The following PLPPR2 variants were observed in gnomAD, a reference collection of about 807,000 sequenced individuals.
PLPPR2 encodes phospholipid phosphatase related 2.
In PLPPR2, 11 loss-of-function variants were observed where a neutral mutation model predicts 40.3. The observed-to-expected ratio is 0.27, with a 90% CI of 0.17 to 0.45. PLPPR2 has a LOEUF of 0.45. Among genes scored for constraint, PLPPR2 ranks in the 20% least tolerant of loss-of-function variants. PLPPR2 has a pLI of 1.00. For missense variants in PLPPR2, 497 were observed against 640.7 expected (o/e 0.78, Z 2.42); for synonymous variants, 260 against 290.8 (o/e 0.89, Z 1.08).
Position 11,362,489 on chromosome 19 carries a change from CCT to C in PLPPR2, c.664-23_664-22del, listed in dbSNP as rs1452203248. On this transcript the variant is annotated intron_variant, in intron 6 of 9. Transcript: ENST00000688289. The surrounding 1 kb of genome is among the most constrained non-coding windows in gnomAD (Gnocchi z 5.3). ...TTCGGCGACTTGCCTCCGCTATCCCCCTGACCAGTCCGGCTCCCCGCAGATGT... is the reference window on the plus strand; with the variant it reads ...TTCGGCGACTTGCCTCCGCTATCCCCGACCAGTCCGGCTCCCCGCAGATGT... The C allele has an allele frequency of 1.9e-6, 3 of 1,607,150 alleles. No individual in the cohort carries two copies. Among genetic ancestry groups the C allele is most frequent in the Non-Finnish European group, 2.5e-6 (3 of 1,179,930 alleles).
Position 11,364,098 on chromosome 19 carries a change from T to C in PLPPR2, c.964-63T>C. 6.4e-7 allele frequency: 1 copy of C among 1,551,582 alleles called. No individual in the cohort carries two copies. The highest frequency in any genetic ancestry group is 8.7e-7 in the Non-Finnish European group (1 of 1,145,304). ...GGGGCTCTTCACCTGATGAGCTCCT[T>C]GTGGCTGTGGCCGGTAGGGCCCAGG... On this transcript the variant is annotated intron_variant, in intron 8 of 9. Transcript: ENST00000688289. The surrounding 1 kb of genome is among the most constrained non-coding windows in gnomAD (Gnocchi z 5.8).
In PLPPR2 at chr19:11,362,395, C is replaced by A. The variant is rs1968072672; in HGVS notation, c.664-118C>A. 1 of 1,295,444 alleles carries A rather than the reference C, an allele frequency of 7.7e-7. No homozygotes were observed. Among genetic ancestry groups the A allele is most frequent in the South Asian group, 1.3e-5 (1 of 77,234 alleles). 80.2% of individuals were successfully genotyped at this position (1,295,444 alleles called of 1,614,324 possible). On this transcript the variant is annotated intron_variant, in intron 6 of 9. Coordinates refer to ENST00000688289, the MANE Select transcript of PLPPR2 (RefSeq NM_001393892.1). The surrounding 1 kb of genome is among the most constrained non-coding windows in gnomAD (Gnocchi z 5.3). ...AGCCCATGACTCCAACCCTGGAGCC[C>A]CTGGCCACTCCCTCCAGCCCCAACG... is the stretch of plus-strand genomic sequence containing the variant.
In PLPPR2 at chr19:11,362,840, A is replaced by T. The variant is rs2144677978; in HGVS notation, c.840+151A>T. The T allele has an allele frequency of 2.1e-6, 2 of 950,630 alleles. No individual in the cohort carries two copies. Among genetic ancestry groups the T allele is most frequent in the South Asian group, 3.6e-5 (2 of 55,188 alleles). The allele number at this position is 950,630 out of a possible 1,614,324, so 58.9% of individuals were successfully genotyped here. On this transcript the variant is annotated intron_variant, in intron 7 of 9. Coordinates refer to ENST00000688289, the MANE Select transcript of PLPPR2 (RefSeq NM_001393892.1). The surrounding 1 kb of genome is among the most constrained non-coding windows in gnomAD (Gnocchi z 5.3). ...CCCTTCCTGGATATTCTCATCTGTG[A>T]AATGAGATACCAGGATCAGGGTGAG...
In PLPPR2 at chr19:11,359,533, C is replaced by T. The variant is rs746349449; in HGVS notation, c.68C>T (p.Ser23Leu). The change falls in exon 4 of 10, where the codon TCG becomes TTG. Residue 23 changes from serine to leucine, a missense_variant and splice_region_variant. Ser to Leu is a moderately radical substitution (Grantham distance 145, BLOSUM62 -2). Coordinates refer to ENST00000688289, the MANE Select transcript of PLPPR2 (RefSeq NM_001393892.1). This position sits in a 1 kb window ranked among gnomAD's most constrained non-coding sequence, Gnocchi z 5.6. ...SIIPCFVFVE[S>L]VLLGIVILLA... Reference sequence around the variant, plus strand: ...CTCCCCGCCCTGGCTTGGTGGCAGTCGGTGCTGCTGGGCATTGTGATCCTG... The same window carrying T: ...CTCCCCGCCCTGGCTTGGTGGCAGTTGGTGCTGCTGGGCATTGTGATCCTG... 28 of 1,537,214 alleles carry T rather than the reference C, an allele frequency of 1.8e-5. No individual in the cohort carries two copies. The Middle Eastern group carries it at 5.2e-4, about 29-fold the overall frequency.
rs1323484350 is a variant in PLPPR2, at chr19:11,359,672, G to A, written c.207G>A (p.Val69=). 6.2e-7 allele frequency: 1 copy of A among 1,611,178 alleles called. No individual in the cohort carries two copies. Residue 69 remains valine (V), a synonymous_variant, in exon 4 of 10, where the codon GTG becomes GTA. Coordinates refer to ENST00000688289, the MANE Select transcript of PLPPR2 (RefSeq NM_001393892.1). The surrounding 1 kb of genome is among the most constrained non-coding windows in gnomAD (Gnocchi z 5.6). ...CAGGGCCTGAGGCTGCCAGCCGAGT[G>A]CCTCCTGCTCTTGTCTACGCACTGG... The part of the protein sequence containing the change: ...PYPGPEAASR[V]PPALVYALVT...
chr19:11,364,726 ACTT>A lies in PLPPR2; in HGVS notation c.*41_*43del. ...CCCACCCAGAATCTGCCCAGTCCCC[ACTT>A]CTTCCCTGCCACGCGTGTGTGTGCG... On this transcript the variant is annotated 3_prime_UTR_variant, in exon 10 of 10. Coordinates refer to ENST00000688289, the MANE Select transcript of PLPPR2 (RefSeq NM_001393892.1). The surrounding 1 kb of genome is among the most constrained non-coding windows in gnomAD (Gnocchi z 5.8). The A allele has an allele frequency of 6.5e-7, 1 of 1,535,332 alleles. No homozygotes were observed. The highest frequency in any genetic ancestry group is 8.7e-7 in the Non-Finnish European group (1 of 1,146,122).
chr19:11,356,664 T>TTTTGTGTG (rs1555713339), intron 1 of PLPPR2, 138 bp from the exon 2 acceptor site: 1 of 145,950 alleles, frequency 6.9e-6, no homozygotes, highest in Non-Finnish European at 1.5e-5. Flanking sequence ...TATGCCATGG[T>TTTTGTGTG]TGTGTGTGTG....
Position 11,361,115 on chromosome 19 carries a change from G to T in PLPPR2, c.392-102G>T, listed in dbSNP as rs1052185268. The T allele has an allele frequency of 1.5e-5, 21 of 1,429,052 alleles. No individual in the cohort carries two copies. Among genetic ancestry groups the T allele is most frequent in the Admixed American group, 4.4e-5 (2 of 45,554 alleles). 88.5% of individuals were successfully genotyped at this position (1,429,052 alleles called of 1,614,324 possible). A position where few individuals can be genotyped will look rare whatever the true frequency, so the allele number is the denominator to read the frequency against. On this transcript the variant is annotated intron_variant, in intron 5 of 9. Coordinates refer to ENST00000688289, the MANE Select transcript of PLPPR2 (RefSeq NM_001393892.1). The surrounding 1 kb of genome is among the most constrained non-coding windows in gnomAD (Gnocchi z 6.3). ...GGCACAACTACAGGGTCCCAAGTGT[G>T]CTTTAATGACAGTCACAGGAAAAGG...
At chr19:11,360,342 C>T (rs1048026128) in intron 5 of PLPPR2, among the ~76,000 whole-genome samples, 1 of 151,660 alleles carries the variant, frequency 6.6e-6, no homozygotes, top group Admixed American at 6.6e-5. Context: ...GTGGTACATG[C>T]CTGTAGCCCC....
At chr19:11,357,629 T>C in intron 2 of PLPPR2, 31 bp from the exon 3 acceptor site, 2 of 1,549,432 alleles carry the variant, frequency 1.3e-6, no homozygotes, top group Non-Finnish European at 1.8e-6. Context: ...GCACACCCCC[T>C]GGGACTCCCA....
chr19:11,360,350 C>T (rs1055173226), intron 5 of PLPPR2, among the ~76,000 whole-genome samples: 6 of 151,540 alleles, frequency 4.0e-5, no homozygotes, highest in Non-Finnish European at 7.4e-5. Flanking sequence ...TGCCTGTAGC[C>T]CCAGCTACTT....
Position 11,364,010 on chromosome 19 carries a change from G to T in PLPPR2, c.964-151G>T. The T allele has an allele frequency of 7.5e-7, 1 of 1,331,880 alleles. No individual in the cohort carries two copies. The highest frequency in any genetic ancestry group is 2.4e-5 in the East Asian group (1 of 42,320). The allele number at this position is 1,331,880 out of a possible 1,614,324, so 82.5% of individuals were successfully genotyped here. On this transcript the variant is annotated intron_variant, in intron 8 of 9. Transcript: ENST00000688289. This position sits in a 1 kb window ranked among gnomAD's most constrained non-coding sequence, Gnocchi z 5.8. ...GGACAGCCCCAAAGAATGAAAGGGAGCACCCCCGTCTTCTTCCCAGGGGGA... is the reference window on the plus strand; with the variant it reads ...GGACAGCCCCAAAGAATGAAAGGGATCACCCCCGTCTTCTTCCCAGGGGGA...
Position 11,364,315 on chromosome 19 carries a change from T to G in PLPPR2, c.1016-32T>G. 1 of 1,521,554 alleles carries G rather than the reference T, an allele frequency of 6.6e-7. No individual in the cohort carries two copies. Among genetic ancestry groups the G allele is most frequent in the East Asian group, 2.3e-5 (1 of 43,810 alleles). 94.3% of individuals were successfully genotyped at this position (1,521,554 alleles called of 1,614,324 possible). ...CCTTTATGCTGCCTCCCGAGTTTTC[T>G]GATCCCCTGATATCTGGCTTCTGAC... On this transcript the variant is annotated intron_variant, in intron 9 of 9. Transcript: ENST00000688289. The surrounding 1 kb of genome is among the most constrained non-coding windows in gnomAD (Gnocchi z 5.8).
rs1355300287 is a variant in PLPPR2 at position 11,359,372 on chromosome 19, TCA to T, written c.67-159_67-158del. ...CTCTCACCTCCTTTCCCCATTTCTC[TCA>T]GTCTCTCTCCCCCTTGTCTCTGTCT... On this transcript the variant is annotated intron_variant, in intron 3 of 9. Transcript: ENST00000688289. This position sits in a 1 kb window ranked among gnomAD's most constrained non-coding sequence, Gnocchi z 5.6. 6.8e-6 allele frequency: 4 copies of T among 583,966 alleles called. No homozygotes were observed. Among genetic ancestry groups the T allele is most frequent in the Non-Finnish European group, 1.1e-5 (4 of 364,402 alleles). 36.2% of individuals were successfully genotyped at this position (583,966 alleles called of 1,614,324 possible). A position where few individuals can be genotyped will look rare whatever the true frequency, so the allele number is the denominator to read the frequency against.
At chr19:11,357,628 C>T in intron 2 of PLPPR2, 32 bp from the exon 3 acceptor site, 1 of 1,549,166 alleles carries the variant, frequency 6.5e-7, no homozygotes. Context: ...GGCACACCCC[C>T]TGGGACTCCC....
At chr19:11,356,345 G>A (rs1212615262) in intron 1 of PLPPR2, among the ~76,000 whole-genome samples, 1 of 151,684 alleles carries the variant, frequency 6.6e-6, no homozygotes, top group Non-Finnish European at 1.5e-5. Context: ...ACTCTTAAGT[G>A]TGTTGCAGGC....
rs2047006961 is a variant in PLPPR2 at position 11,365,213 on chromosome 19, C to G, written c.*523C>G. 6.3e-6 allele frequency: 1 copy of G among 158,834 alleles called. No individual in the cohort carries two copies. Among genetic ancestry groups the G allele is most frequent in the African/African-American group, 2.4e-5 (1 of 41,486 alleles). 9.8% of individuals were successfully genotyped at this position (158,834 alleles called of 1,614,324 possible). ...ATGAGGTCATTGTTTGTCATTGAGT[C>G]TTCTCTCAGAATCAGCGAGCCCAGC... is the stretch of plus-strand genomic sequence containing the variant. On this transcript the variant is annotated 3_prime_UTR_variant, in exon 10 of 10. Coordinates refer to ENST00000688289, the MANE Select transcript of PLPPR2 (RefSeq NM_001393892.1).
At position 11,364,515 on chromosome 19, in the gene PLPPR2, C is replaced by T. The variant is rs957377122; in HGVS notation, c.1184C>T (p.Ser395Leu). The change falls in exon 10 of 10, where the codon TCG (serine) becomes TTG (leucine). Residue 395 changes from serine to leucine, a missense_variant. Coordinates refer to ENST00000688289, the MANE Select transcript of PLPPR2 (RefSeq NM_001393892.1). This position sits in a 1 kb window ranked among gnomAD's most constrained non-coding sequence, Gnocchi z 5.8. Reference protein sequence around the residue: ...LPAPTPSQGPSPSSPGPGGPG... With the variant: ...LPAPTPSQGPLPSSPGPGGPG... ...GCGCCCACCCCCAGCCAGGGCCCCT[C>T]GCCTTCCTCCCCTGGACCTGGGGGG... is the stretch of plus-strand genomic sequence containing the variant. The T allele has an allele frequency of 7.8e-6, 12 of 1,529,934 alleles. No homozygotes were observed. The South Asian group carries it at 8.4e-5, about 11-fold the overall frequency. 94.8% of individuals were successfully genotyped at this position (1,529,934 alleles called of 1,614,324 possible).
In PLPPR2 at chr19:11,364,806, A is replaced by G. The variant is rs1482889350; in HGVS notation, c.*116A>G. 1 of 1,169,596 alleles carries G rather than the reference A, an allele frequency of 8.5e-7. No homozygotes were observed. Among genetic ancestry groups the G allele is most frequent in the Admixed American group, 2.2e-5 (1 of 44,694 alleles). The allele number at this position is 1,169,596 out of a possible 1,614,324, so 72.5% of individuals were successfully genotyped here. A position where few individuals can be genotyped will look rare whatever the true frequency, so the allele number is the denominator to read the frequency against. On this transcript the variant is annotated 3_prime_UTR_variant, in exon 10 of 10. Transcript: ENST00000688289. The surrounding 1 kb of genome is among the most constrained non-coding windows in gnomAD (Gnocchi z 5.8). ...TGCCCCCCAAGCCAGCCAGACCCAG[A>G]CATTAGAAGATGGCTAGAAGGACAT...
Sources: allele counts gnomAD v4.1 joint callset (sites outside exome capture counted in the v4.1 genomes callset), GRCh38; gene constraint gnomAD v4.1.1; non-coding constraint Gnocchi (gnomAD v3.1); transcripts MANE v1.5; gene names NCBI Gene and HGNC (gene_info 2026-07-23, HGNC 2026-07-21).